The following BNIP1 variants were observed in gnomAD, a reference collection of about 807,000 sequenced individuals.
The protein encoded by BNIP1 is BCL2 interacting protein 1.
In BNIP1, 25 loss-of-function variants were observed where a neutral mutation model predicts 28.5. The ratio of observed to expected loss-of-function variants is 0.88; its 90% CI spans 0.64 to 1.23. The LOEUF (loss-of-function observed/expected upper bound fraction) is 1.23, where lower values mean the gene tolerates loss of function less well. Ranked by LOEUF, BNIP1 falls within the 50% of genes most tolerant of loss-of-function variation. The probability of loss-of-function intolerance (pLI) is 0.00; values close to 1 mark genes in which losing one functional copy is unlikely to be tolerated. For missense variants in BNIP1, 276 were observed against 277.0 expected, an observed-to-expected ratio of 1.00 and a Z score of 0.02; for synonymous variants, 118 against 101.7, an observed-to-expected ratio of 1.16 and a Z score of -0.96.
intron 3 of BNIP1, among the ~76,000 whole-genome samples, chr5:173,156,287 T>A (rs1760183464): frequency 6.6e-6 from 1 of 152,008 alleles, no homozygotes; most frequent in Non-Finnish European, 1.5e-5. Flanking sequence ...TTAGCATGGG[T>A]TTAAAGCTGG....
At chr5:173,151,722 A>C in intron 2 of BNIP1, 1 of 1,611,806 alleles carries the variant, frequency 6.2e-7, no homozygotes, top group Non-Finnish European at 8.5e-7. Context: ...CTTTTTAAAC[A>C]TCTGGGTGCC....
chr5:173,144,562 A>T lies in BNIP1; in HGVS notation c.17A>T (p.Asp6Val), dbSNP rs371311208. The part of the protein sequence containing the change: MAAPQ[D>V]VHVRICNQEI... ...GTCCCCAACATGGCGGCTCCCCAAG[A>T]CGTCCACGTCCGGATCTGTAACCAA... Residue 6 changes from aspartate (D) to valine (V), a missense_variant, in exon 1 of 6, where the codon GAC becomes GTC. Transcript: ENST00000351486. 6.8e-6 allele frequency: 11 copies of T among 1,614,002 alleles called. 1 individual carries two copies. The Admixed American group carries it at 1.0e-4, about 15-fold the overall frequency.
At chr5:173,152,744 A>C (rs1408183894) in intron 2 of BNIP1, among the ~76,000 whole-genome samples, 1 of 152,180 alleles carries the variant, frequency 6.6e-6, no homozygotes, top group Non-Finnish European at 1.5e-5. Context: ...TTCACAGTTG[A>C]TTATTTCTTT....
intron 2 of BNIP1, among the ~76,000 whole-genome samples, chr5:173,148,000 T>C (rs1457297042): frequency 2.9e-5 from 4 of 137,380 alleles, no homozygotes; most frequent in Non-Finnish European, 6.1e-5. Flanking sequence ...GAGGTGCAGG[T>C]TGCAGTGAGC....
At chr5:173,149,192 T>C (rs1759947445) in intron 2 of BNIP1, among the ~76,000 whole-genome samples, 1 of 152,120 alleles carries the variant, frequency 6.6e-6, no homozygotes, top group African/African-American at 2.4e-5. Context: ...CCATCTGTAT[T>C]AGTCTGTTTT....
At chr5:173,147,321 C>T (rs937634611) in intron 2 of BNIP1, among the ~76,000 whole-genome samples, 6 of 151,892 alleles carry the variant, frequency 4.0e-5, no homozygotes, top group Admixed American at 2.0e-4. Context: ...AGGAGAATGG[C>T]GTGAACCCAG....
At chr5:173,146,756 A>T in intron 1 of BNIP1, 110 bp from the exon 2 acceptor site, 1 of 687,228 alleles carries the variant, frequency 1.5e-6, no homozygotes, top group Non-Finnish European at 2.6e-6. Context: ...GATGAATTAT[A>T]GTTAGTATGT....
Position 173,164,010 on chromosome 5 carries a change from A to ACACCCCT in BNIP1, c.*91_*97dup. On this transcript the variant is annotated 3_prime_UTR_variant, in exon 6 of 6. Coordinates refer to ENST00000351486, the MANE Select transcript of BNIP1 (RefSeq NM_001205.3). This position sits in a 1 kb window ranked among gnomAD's most constrained non-coding sequence, Gnocchi z 4.0. Reference sequence around the variant, plus strand: ...GCTCTAGGCTGCTAAGCTGAGCCACACACCCCTCCGTTTGCACCAGTTGCC... The same window carrying ACACCCCT: ...GCTCTAGGCTGCTAAGCTGAGCCACACACCCCTCACCCCTCCGTTTGCACCAGTTGCC... 7.5e-7 allele frequency: 1 copy of ACACCCCT among 1,329,000 alleles called. No individual in the cohort carries two copies. Among genetic ancestry groups the ACACCCCT allele is most frequent in the Non-Finnish European group, 1.0e-6 (1 of 988,168 alleles). The allele number at this position is 1,329,000 out of a possible 1,614,324, so 82.3% of individuals were successfully genotyped here.
chr5:173,161,577 G>A (rs1259932368), intron 5 of BNIP1: 2 of 152,192 alleles, frequency 1.3e-5, no homozygotes, highest in African/African-American at 4.8e-5. Context: ...TTGTACAAGC[G>A]ATAACTATTG....
chr5:173,152,875 A>G (rs1225122104), intron 2 of BNIP1, among the ~76,000 whole-genome samples: 1 of 152,230 alleles, frequency 6.6e-6, no homozygotes, highest in Non-Finnish European at 1.5e-5. Context: ...AAATCAGTAA[A>G]TTAGTATATA....
rs70984952 is a variant in BNIP1 at position 173,148,083 on chromosome 5, AATATATATATATATATATATATATATAT to A, written c.177+1152_177+1179del. 3.5e-4 allele frequency among the ~76,000 whole-genome samples: 14 copies of A among 40,300 alleles called. 1 individual carries two copies. The highest frequency in any genetic ancestry group is 1.4e-3 in the African/African-American group (11 of 8,064). 26.4% of individuals were successfully genotyped at this position (40,300 alleles called of 152,430 possible). A position where few individuals can be genotyped will look rare whatever the true frequency, so the allele number is the denominator to read the frequency against. Reference sequence around the variant, plus strand: ...GTGTCAAAAAAAAAAAAAAAAAAAAAATATATATATATATATATATATATATATATATATATATATATATATATATATA... The same window carrying A: ...GTGTCAAAAAAAAAAAAAAAAAAAAAATATATATATATATATATATATATA... On this transcript the variant is annotated intron_variant, in intron 2 of 5. Coordinates refer to ENST00000351486, the MANE Select transcript of BNIP1 (RefSeq NM_001205.3).
chr5:173,160,797 A>G (rs1339508312), intron 5 of BNIP1: 2 of 455,338 alleles, frequency 4.4e-6, no homozygotes, highest in African/African-American at 2.0e-5. Flanking sequence ...TTACAATTAT[A>G]CTCCCCAACG....
chr5:173,164,028 C>A lies in BNIP1; in HGVS notation c.*107C>A. 1 of 1,164,766 alleles carries A rather than the reference C, an allele frequency of 8.6e-7. No individual in the cohort carries two copies. Among genetic ancestry groups the A allele is most frequent in the Non-Finnish European group, 1.2e-6 (1 of 845,174 alleles). The allele number at this position is 1,164,766 out of a possible 1,614,324, so 72.2% of individuals were successfully genotyped here. A position where few individuals can be genotyped will look rare whatever the true frequency, so the allele number is the denominator to read the frequency against. The stretch of plus-strand genomic sequence containing the variant: ...GAGCCACACACCCCTCCGTTTGCAC[C>A]AGTTGCCTGCAGGTTGGATGGAACA... On this transcript the variant is annotated 3_prime_UTR_variant, in exon 6 of 6. Transcript: ENST00000351486. The surrounding 1 kb of genome is among the most constrained non-coding windows in gnomAD (Gnocchi z 4.0).
At chr5:173,157,292 T>A (rs1002376055) in intron 3 of BNIP1, among the ~76,000 whole-genome samples, 1 of 152,206 alleles carries the variant, frequency 6.6e-6, no homozygotes. Context: ...TGTGTTTTGA[T>A]TTTTGAGTAT....
intron 3 of BNIP1, among the ~76,000 whole-genome samples, chr5:173,156,801 AC>A (rs370454698): frequency 3.3e-3 from 496 of 151,668 alleles, no homozygotes; most frequent in African/African-American, 0.011. Flanking sequence ...GGCACCCGCC[AC>A]CACGCCTGGC....
intron 4 of BNIP1, among the ~76,000 whole-genome samples, chr5:173,159,383 C>G (rs1262392319): frequency 6.6e-6 from 1 of 151,876 alleles, no homozygotes; most frequent in African/African-American, 2.4e-5. Context: ...GGTATATTCT[C>G]TCCCTCATTT....
At chr5:173,148,747 A>T (rs540308962) in intron 2 of BNIP1, among the ~76,000 whole-genome samples, 2 of 118,444 alleles carry the variant, frequency 1.7e-5, no homozygotes, top group South Asian at 4.8e-4. Context: ...CAGTTGCTTT[A>T]TATTGTTCAT....
At chr5:173,144,840 C>T (rs1759784648) in intron 1 of BNIP1, 3 of 559,150 alleles carry the variant, frequency 5.4e-6, no homozygotes, top group Non-Finnish European at 6.3e-6. Flanking sequence ...CCGGATCTCC[C>T]ATCCCCAGAG....
At chr5:173,150,848 T>G (rs1483395849) in intron 2 of BNIP1, among the ~76,000 whole-genome samples, 3 of 152,118 alleles carry the variant, frequency 2.0e-5, no homozygotes, top group Non-Finnish European at 2.9e-5. Flanking sequence ...GTTTTTTTGT[T>G]TTTTTTTAAG....
Sources: allele counts gnomAD v4.1 joint callset (sites outside exome capture counted in the v4.1 genomes callset), GRCh38; gene constraint gnomAD v4.1.1; non-coding constraint Gnocchi (gnomAD v3.1); transcripts MANE v1.5; gene names NCBI Gene and HGNC (gene_info 2026-07-23, HGNC 2026-07-21).